The following PPM1H variants were observed in gnomAD, a reference collection of about 807,000 sequenced individuals.
PPM1H encodes protein phosphatase 1H.
A neutral mutation model predicts 54.9 loss-of-function variants in PPM1H; 27 were observed. That is an observed-to-expected ratio of 0.49 (90% confidence interval 0.36 to 0.68). PPM1H has a LOEUF of 0.68. Among genes scored for constraint, PPM1H ranks in the 30% least tolerant of loss-of-function variants. The pLI is 0.00. For synonymous variants in PPM1H, 305 were observed against 270.8 expected (o/e 1.13, Z -1.24); for missense variants, 596 against 667.8 (o/e 0.89, Z 1.19).
intron 4 of PPM1H, among the ~76,000 whole-genome samples, chr12:62,759,254 T>C (rs948875286): frequency 1.3e-5 from 2 of 152,222 alleles, no homozygotes; most frequent in Non-Finnish European, 2.9e-5. Flanking sequence ...ACCAGTCCCC[T>C]GTCCTCACCT....
Position 62,644,158 on chromosome 12 carries a change from A to T in PPM1H, c.*4331T>A, listed in dbSNP as rs1212370375. 1 of 152,232 alleles carries T rather than the reference A, an allele frequency of 6.6e-6. No individual in the cohort carries two copies. Among genetic ancestry groups the T allele is most frequent in the East Asian group, 1.9e-4 (1 of 5,206 alleles). The allele number at this position is 152,232 out of a possible 1,614,324, so 9.4% of individuals were successfully genotyped here. A position where few individuals can be genotyped will look rare whatever the true frequency, so the allele number is the denominator to read the frequency against. ...GGGGTTACAAAAAAGTCAATGTTTC[A>T]CAATCACAAAGCATAAAGGTACATG... On this transcript the variant is annotated 3_prime_UTR_variant, in exon 10 of 10. Coordinates refer to ENST00000228705, the MANE Select transcript of PPM1H (RefSeq NM_020700.2).
intron 7 of PPM1H, 85 bp downstream of exon 7, chr12:62,693,851 G>A: frequency 1.7e-6 from 2 of 1,210,474 alleles, no homozygotes; most frequent in Non-Finnish European, 2.4e-6. Flanking sequence ...CTGCTGAGTG[G>A]AACACACGGA....
chr12:62,817,138 A>AAAG (rs2076872923), intron 2 of PPM1H, among the ~76,000 whole-genome samples: 1 of 84,976 alleles, frequency 1.2e-5, no homozygotes, highest in African/African-American at 9.7e-5. Flanking sequence ...AAAAAAAAAG[A>AAAG]AAAAAAAAAA....
rs5798662 is a variant in PPM1H at position 62,867,743 on chromosome 12, A to AT, written c.246-35465dup. Among the ~76,000 whole-genome samples, 203 of 145,910 alleles carry AT rather than the reference A, an allele frequency of 1.4e-3. 2 individuals carry two copies. The highest frequency in any genetic ancestry group is 3.5e-3 in the Middle Eastern group (1 of 286). On this transcript the variant is annotated intron_variant, in intron 1 of 9. Coordinates refer to ENST00000228705, the MANE Select transcript of PPM1H (RefSeq NM_020700.2). ...CAGGTGCCTGCCACCACACCTGGCT[A>AT]TTTTTTTTTTTTCTGTATTTTTAGT...
chr12:62,765,573 T>A (rs1183222855), intron 4 of PPM1H, among the ~76,000 whole-genome samples: 1 of 152,160 alleles, frequency 6.6e-6, no homozygotes, highest in Non-Finnish European at 1.5e-5. Flanking sequence ...TTTGAGAGAA[T>A]ACAAAGATAA....
chr12:62,686,000 C>G (rs2076049080), intron 8 of PPM1H, among the ~76,000 whole-genome samples: 1 of 152,176 alleles, frequency 6.6e-6, no homozygotes, highest in Non-Finnish European at 1.5e-5. Flanking sequence ...AACTCTAGAA[C>G]TTTTCTAAGA....
At chr12:62,768,613 C>T (rs1201441640) in intron 4 of PPM1H, among the ~76,000 whole-genome samples, 2 of 151,892 alleles carry the variant, frequency 1.3e-5, no homozygotes, top group African/African-American at 2.4e-5. Flanking sequence ...CGAGATCCCG[C>T]CATTGCACTC....
At chr12:62,834,709 T>TG (rs895898140) in intron 1 of PPM1H, among the ~76,000 whole-genome samples, 128 of 152,214 alleles carry the variant, frequency 8.4e-4, no homozygotes, top group African/African-American at 2.7e-3. Context: ...GCCAAGTCAC[T>TG]GGGGGGGCCT....
rs565368701 is a variant in PPM1H, at chr12:62,903,476, C to T, written c.245+31016G>A. ...CTTTTGTGATATTTGAAGGAAGGGACAGGAAAATAACAATGATGAATAAAA... is the reference window on the plus strand; with the variant it reads ...CTTTTGTGATATTTGAAGGAAGGGATAGGAAAATAACAATGATGAATAAAA... On this transcript the variant is annotated intron_variant, in intron 1 of 9. Transcript: ENST00000228705. Among the ~76,000 whole-genome samples, 359 of 152,240 alleles carry T rather than the reference C, an allele frequency of 2.4e-3. 1 individual carries two copies. Among genetic ancestry groups the T allele is most frequent in the Non-Finnish European group, 3.9e-3 (268 of 68,018 alleles).
intron 2 of PPM1H, among the ~76,000 whole-genome samples, chr12:62,830,918 A>ACAG (rs754909845): frequency 0.29 from 43,224 of 151,626 alleles, 7,717 homozygotes; most frequent in African/African-American, 0.51. Context: ...CAGTGGCGTG[A>ACAG]TCTCAGCTCA....
At chr12:62,806,294 G>A (rs1164888571) in intron 2 of PPM1H, among the ~76,000 whole-genome samples, 2 of 151,958 alleles carry the variant, frequency 1.3e-5, no homozygotes, top group Admixed American at 6.6e-5. Context: ...ATTTCCATTC[G>A]ATTCTGTGTT....
intron 1 of PPM1H, among the ~76,000 whole-genome samples, chr12:62,883,917 C>T (rs1248901981): frequency 6.6e-6 from 1 of 152,008 alleles, no homozygotes; most frequent in African/African-American, 2.4e-5. Context: ...AGTCTGAGGT[C>T]TATTTCTTAG....
intron 1 of PPM1H, among the ~76,000 whole-genome samples, chr12:62,847,427 G>A (rs1172487749): frequency 1.3e-5 from 2 of 152,222 alleles, no homozygotes; most frequent in Non-Finnish European, 2.9e-5. Flanking sequence ...GGTAGGGGTA[G>A]AAACTTATTT....
At chr12:62,730,323 T>C (rs907569808) in intron 5 of PPM1H, among the ~76,000 whole-genome samples, 1 of 152,198 alleles carries the variant, frequency 6.6e-6, no homozygotes, top group African/African-American at 2.4e-5. Flanking sequence ...GGGTAAACAT[T>C]CATACGCATT....
intron 1 of PPM1H, among the ~76,000 whole-genome samples, chr12:62,901,087 C>T (rs1871154364): frequency 6.6e-6 from 1 of 152,214 alleles, no homozygotes; most frequent in Non-Finnish European, 1.5e-5. Flanking sequence ...TAGCCGGATA[C>T]ATTTTTGCAT....
intron 5 of PPM1H, chr12:62,721,047 G>A (rs2076260867): frequency 1.3e-5 from 2 of 152,284 alleles, no homozygotes; most frequent in South Asian, 4.1e-4. Flanking sequence ...CCCACATGAA[G>A]CTGTCTACCT....
chr12:62,829,502 A>G (rs913017049), intron 2 of PPM1H, among the ~76,000 whole-genome samples: 1 of 152,220 alleles, frequency 6.6e-6, no homozygotes, highest in African/African-American at 2.4e-5. Flanking sequence ...ATTTTATGTT[A>G]TGTACATTTT....
At chr12:62,693,856 C>T (rs2076097566) in intron 7 of PPM1H, 80 bp downstream of exon 7, 1 of 1,278,354 alleles carries the variant, frequency 7.8e-7, no homozygotes. Flanking sequence ...GAGTGGAACA[C>T]ACGGACTGCC....
chr12:62,927,361 T>G (rs569210952), intron 1 of PPM1H, among the ~76,000 whole-genome samples: 3 of 152,214 alleles, frequency 2.0e-5, no homozygotes, highest in African/African-American at 7.2e-5. Flanking sequence ...AGTCGACATA[T>G]AAGAATATAT....
Sources: gnomAD v4.1 joint callset for allele counts (sites outside exome capture counted in the v4.1 genomes callset) on GRCh38, gnomAD v4.1.1 for gene constraint, MANE v1.5 for transcripts, NCBI Gene and HGNC (gene_info 2026-07-23, HGNC 2026-07-21) for gene names.